C2orf76: variants seen among roughly 807,000 people sequenced by gnomAD.
C2orf76 encodes UPF0538 protein C2orf76.
A neutral mutation model predicts 16.9 loss-of-function variants in C2orf76; 23 were observed. The observed-to-expected ratio is 1.36, with a 90% CI of 0.98 to 1.93. The LOEUF is 1.93. C2orf76 is among the 30% of genes most tolerant of loss of function. C2orf76 has a pLI of 0.00. For missense variants in C2orf76, 152 were observed against 152.6 expected (o/e 1.00, Z 0.02); for synonymous variants, 48 against 52.3 (o/e 0.92, Z 0.35).
chr2:119,299,693 T>C (rs965585688), downstream of C2orf76, among the ~76,000 whole-genome samples: 16 of 152,206 alleles, frequency 1.1e-4, no homozygotes, highest in African/African-American at 3.9e-4. Context: ...AAATACTCTA[T>C]ATGTACCTTT....
upstream of C2orf76, chr2:119,367,138 C>A (rs749559520): frequency 1.9e-6 from 3 of 1,593,934 alleles, no homozygotes; most frequent in South Asian, 2.3e-5. Context: ...CTGCCAGAAG[C>A]TCTCGGGCTC....
At chr2:119,355,780 G>A (rs1454661553) in intron 1 of C2orf76, among the ~76,000 whole-genome samples, 4 of 152,014 alleles carry the variant, frequency 2.6e-5, no homozygotes, top group African/African-American at 9.7e-5. Context: ...CCATGAAACC[G>A]GTCCCTGGTG....
chr2:119,322,554 A>G (rs777696084), intron 2 of C2orf76, among the ~76,000 whole-genome samples: 7 of 152,200 alleles, frequency 4.6e-5, no homozygotes, highest in Non-Finnish European at 7.3e-5. Flanking sequence ...TGTGTGTAAA[A>G]TGACATTCAT....
chr2:119,323,910 A>C (rs1259965443), intron 2 of C2orf76, among the ~76,000 whole-genome samples: 1 of 152,230 alleles, frequency 6.6e-6, no homozygotes, highest in Non-Finnish European at 1.5e-5. Context: ...AAAACACTAT[A>C]GGCCAAAAGA....
chr2:119,350,078 C>CCCT (rs1553449823), intron 1 of C2orf76, among the ~76,000 whole-genome samples: 1 of 115,754 alleles, frequency 8.6e-6, no homozygotes, highest in African/African-American at 4.2e-5. Flanking sequence ...CGCCCCCCGC[C>CCCT]CCCCCACCGT....
chr2:119,329,101 T>C (rs1679595616), intron 2 of C2orf76, among the ~76,000 whole-genome samples: 1 of 152,198 alleles, frequency 6.6e-6, no homozygotes, highest in South Asian at 2.1e-4. Flanking sequence ...ATTCAGTTGA[T>C]TGGGTTGCTA....
chr2:119,335,300 A>G (rs1679813133), intron 2 of C2orf76, among the ~76,000 whole-genome samples: 1 of 152,228 alleles, frequency 6.6e-6, no homozygotes, highest in South Asian at 2.1e-4. Context: ...GTAGCAATGA[A>G]CACATCTAGT....
Position 119,339,815 on chromosome 2 carries a change from C to G in C2orf76, c.133+12G>C. On this transcript the variant is annotated intron_variant, in intron 2 of 5. Transcript: ENST00000334816. ...ACTACTAGTAAAACAAAATGGCTTTCACATCTCATACCTTGCTTTAGAAAT... is the reference window on the plus strand; with the variant it reads ...ACTACTAGTAAAACAAAATGGCTTTGACATCTCATACCTTGCTTTAGAAAT... 1 of 1,580,482 alleles carries G rather than the reference C, an allele frequency of 6.3e-7. No individual in the cohort carries two copies. The highest frequency in any genetic ancestry group is 8.7e-7 in the Non-Finnish European group (1 of 1,153,514).
At chr2:119,322,785 C>A (rs143530012) in intron 2 of C2orf76, among the ~76,000 whole-genome samples, 1 of 149,128 alleles carries the variant, frequency 6.7e-6, no homozygotes, top group African/African-American at 2.5e-5. Context: ...TTTTAGGAAG[C>A]TACCTTTTGA....
intron 5 of C2orf76, among the ~76,000 whole-genome samples, chr2:119,310,853 G>A (rs1030610607): frequency 2.6e-4 from 39 of 152,206 alleles, no homozygotes; most frequent in African/African-American, 8.9e-4. Flanking sequence ...CAGCCTGGGC[G>A]ACAGAGTGAG....
chr2:119,326,371 C>G (rs1036685511), intron 2 of C2orf76, among the ~76,000 whole-genome samples: 1 of 152,156 alleles, frequency 6.6e-6, no homozygotes, highest in Non-Finnish European at 1.5e-5. Context: ...ATCAATTTAA[C>G]ACATCTGTGT....
chr2:119,325,854 C>T (rs1294732225), intron 2 of C2orf76, among the ~76,000 whole-genome samples: 3 of 152,166 alleles, frequency 2.0e-5, no homozygotes, highest in Non-Finnish European at 2.9e-5. Context: ...GCCATACATA[C>T]GTCTTCTTTA....
At chr2:119,365,369 G>C (rs1680906725) in intron 1 of C2orf76, among the ~76,000 whole-genome samples, 2 of 152,292 alleles carry the variant, frequency 1.3e-5, no homozygotes, top group South Asian at 4.1e-4. Flanking sequence ...ACACTTCAGT[G>C]TACTTTCCCC....
intron 1 of C2orf76, among the ~76,000 whole-genome samples, chr2:119,348,152 CA>C (rs1306926347): frequency 1.3e-5 from 2 of 151,008 alleles, no homozygotes; most frequent in Non-Finnish European, 2.9e-5. Flanking sequence ...TGACATTTTT[CA>C]TAATAAAAAC....
At chr2:119,345,608 G>GT (rs1680171802) in intron 1 of C2orf76, among the ~76,000 whole-genome samples, 1 of 152,064 alleles carries the variant, frequency 6.6e-6, no homozygotes, top group Admixed American at 6.5e-5. Flanking sequence ...GCACTAATTT[G>GT]TTTTTCTGAA....
chr2:119,284,071 G>C, the C2orf76 span, among the ~76,000 whole-genome samples: 1 of 152,104 alleles, frequency 6.6e-6, no homozygotes, highest in Non-Finnish European at 1.5e-5. Context: ...TAGACATCAG[G>C]CTTACCCCTC....
chr2:119,342,762 G>GTT (rs1680074645), intron 1 of C2orf76, among the ~76,000 whole-genome samples: 1 of 152,000 alleles, frequency 6.6e-6, no homozygotes, highest in Non-Finnish European at 1.5e-5. Context: ...TTGTTTGTTT[G>GTT]TTTGTTTGTT....
intron 1 of C2orf76, among the ~76,000 whole-genome samples, chr2:119,347,349 T>TAA (rs2104621226): frequency 6.6e-6 from 1 of 152,330 alleles, no homozygotes. Flanking sequence ...AAAAGAGACT[T>TAA]AAAAGAGCTA....
intron 5 of C2orf76, among the ~76,000 whole-genome samples, chr2:119,305,946 A>C (rs146497875): frequency 0.3 from 44,864 of 147,526 alleles, 7,234 homozygotes; most frequent in Non-Finnish European, 0.37. Context: ...CAACAACAAA[A>C]AAAAAAAAAA....
Sources: gnomAD v4.1 joint callset for allele counts (sites outside exome capture counted in the v4.1 genomes callset) on GRCh38, gnomAD v4.1.1 for gene constraint, MANE v1.5 for transcripts, NCBI Gene and HGNC (gene_info 2026-07-23, HGNC 2026-07-21) for gene names.